The following TMEM178B variants were observed in gnomAD, a reference collection of about 807,000 sequenced individuals.
The protein encoded by TMEM178B is transmembrane protein 178B.
TMEM178B carries 5 observed loss-of-function variants against 31.0 expected under a neutral mutation model. The observed-to-expected ratio is 0.16, with a 90% confidence interval of 0.08 to 0.34. The LOEUF (loss-of-function observed/expected upper bound fraction) is 0.34. Among genes scored for constraint, TMEM178B ranks in the 10% least tolerant of loss-of-function variants. TMEM178B has a pLI of 1.00. For missense variants in TMEM178B, 275 were observed against 400.3 expected, an observed-to-expected ratio of 0.69 and a Z score of 2.67; for synonymous variants, 164 against 164.0, an observed-to-expected ratio of 1.00 and a Z score of 0.00.
intron 2 of TMEM178B, among the ~76,000 whole-genome samples, chr7:141,298,385 G>A (rs1719200309): frequency 6.6e-6 from 1 of 152,094 alleles, no homozygotes; most frequent in Admixed American, 6.5e-5. Context: ...GTCAATTTTG[G>A]CTTTTGTTGC....
intron 2 of TMEM178B, among the ~76,000 whole-genome samples, chr7:141,355,063 C>T (rs1044086279): frequency 2.0e-5 from 3 of 152,142 alleles, no homozygotes; most frequent in African/African-American, 7.2e-5. Flanking sequence ...CCAAAGTAAA[C>T]AGCTTCCTCC....
chr7:141,122,466 T>A (rs919145947), intron 1 of TMEM178B, among the ~76,000 whole-genome samples: 1 of 152,180 alleles, frequency 6.6e-6, no homozygotes, highest in Non-Finnish European at 1.5e-5. Context: ...TCTCAGAGCG[T>A]CTTAAGGACA....
In TMEM178B at chr7:141,461,953, C is replaced by A. The variant is rs1436743919; in HGVS notation, c.635-8583C>A. On this transcript the variant is annotated intron_variant, in intron 3 of 3. Coordinates refer to ENST00000565468, the MANE Select transcript of TMEM178B (RefSeq NM_001195278.2). The surrounding 1 kb of genome is among the most constrained non-coding windows in gnomAD (Gnocchi z 4.0). Reference sequence around the variant, plus strand: ...CAGGGTGGCAAAAATTAGCTGCTCCCCAACAGTGCTATCCCTACCTGGCAC... The same window carrying A: ...CAGGGTGGCAAAAATTAGCTGCTCCACAACAGTGCTATCCCTACCTGGCAC... 6.6e-6 allele frequency among the ~76,000 whole-genome samples: 1 copy of A among 152,194 alleles called. No individual in the cohort carries two copies. The highest frequency in any genetic ancestry group is 2.4e-5 in the African/African-American group (1 of 41,442).
intron 2 of TMEM178B, among the ~76,000 whole-genome samples, chr7:141,364,060 C>T (rs1295485869): frequency 1.3e-5 from 2 of 152,078 alleles, no homozygotes; most frequent in African/African-American, 4.8e-5. Context: ...GCTTTTCTCA[C>T]CCATGAATGT....
chr7:141,144,610 G>A (rs925508192), intron 1 of TMEM178B, among the ~76,000 whole-genome samples: 8 of 152,130 alleles, frequency 5.3e-5, no homozygotes, highest in African/African-American at 1.4e-4. Context: ...ACTGGGGGTC[G>A]GAAGTGTTTC....
At chr7:141,501,560 AT>A in the TMEM178B span, among the ~76,000 whole-genome samples, 3 of 152,306 alleles carry the variant, frequency 2.0e-5, no homozygotes, top group Admixed American at 1.3e-4. Flanking sequence ...CTGTAAAAAT[AT>A]TTTTTTAAAG....
chr7:141,164,306 A>C (rs1796226945), intron 1 of TMEM178B, among the ~76,000 whole-genome samples: 1 of 152,232 alleles, frequency 6.6e-6, no homozygotes, highest in African/African-American at 2.4e-5. Flanking sequence ...TTATCATTAG[A>C]GTGAGATAGG....
At chr7:141,240,545 A>C (rs543231258) in intron 2 of TMEM178B, among the ~76,000 whole-genome samples, 91 of 152,396 alleles carry the variant, frequency 6.0e-4, no homozygotes, top group South Asian at 1.4e-3. Context: ...TCTGTGTTGT[A>C]AATGAGGACA....
chr7:141,383,507 T>C (rs1453087431), intron 2 of TMEM178B, among the ~76,000 whole-genome samples: 1 of 152,146 alleles, frequency 6.6e-6, no homozygotes, highest in Non-Finnish European at 1.5e-5. Context: ...CTGAGAATGA[T>C]GGTTTCCAGC....
intron 1 of TMEM178B, among the ~76,000 whole-genome samples, chr7:141,176,745 T>TAG (rs1158031575): frequency 6.6e-6 from 1 of 152,248 alleles, no homozygotes; most frequent in Non-Finnish European, 1.5e-5. Context: ...TTTATTTGCA[T>TAG]AGAGGTGCTT....
chr7:141,081,313 T>C (rs949332743), intron 1 of TMEM178B, among the ~76,000 whole-genome samples: 1 of 152,044 alleles, frequency 6.6e-6, no homozygotes, highest in Admixed American at 6.6e-5. Flanking sequence ...AAAAATTTTA[T>C]AAACAGAAAA....
chr7:141,380,653 A>G (rs73520609), intron 2 of TMEM178B, among the ~76,000 whole-genome samples: 6,880 of 152,206 alleles, frequency 0.045, 464 homozygotes, highest in African/African-American at 0.15. Flanking sequence ...TGTTATTTAT[A>G]TGTGTGTATG....
At chr7:141,265,063 A>G (rs1011918324) in intron 2 of TMEM178B, among the ~76,000 whole-genome samples, 1 of 152,234 alleles carries the variant, frequency 6.6e-6, no homozygotes, top group African/African-American at 2.4e-5. Flanking sequence ...TTAAAGACTC[A>G]CAGGTGACAA....
intron 2 of TMEM178B, among the ~76,000 whole-genome samples, chr7:141,382,461 C>T (rs1003857811): frequency 6.6e-6 from 1 of 152,164 alleles, no homozygotes; most frequent in African/African-American, 2.4e-5. Flanking sequence ...TAAGATCCCT[C>T]ATAAATTACA....
intron 1 of TMEM178B, among the ~76,000 whole-genome samples, chr7:141,154,227 T>G (rs960818912): frequency 6.6e-6 from 1 of 152,248 alleles, no homozygotes; most frequent in African/African-American, 2.4e-5. Context: ...GGCCAGAATT[T>G]GAAGGCTTGG....
chr7:141,115,544 G>A (rs766327623), intron 1 of TMEM178B, among the ~76,000 whole-genome samples: 1 of 152,190 alleles, frequency 6.6e-6, no homozygotes, highest in Non-Finnish European at 1.5e-5. Flanking sequence ...ATGAAAAGTA[G>A]GAATTGATTT....
intron 2 of TMEM178B, among the ~76,000 whole-genome samples, chr7:141,301,462 AT>A (rs200314106): frequency 2.5e-4 from 37 of 150,610 alleles, no homozygotes; most frequent in Admixed American, 1.5e-3. Context: ...ATATTTGTAA[AT>A]TTTTTTTTTC....
At chr7:141,322,633 T>C (rs1451624375) in intron 2 of TMEM178B, among the ~76,000 whole-genome samples, 1 of 152,138 alleles carries the variant, frequency 6.6e-6, no homozygotes. Flanking sequence ...TCTAGCAAGT[T>C]CAGATGGACA....
At chr7:141,423,317 C>A (rs1801248571) in intron 2 of TMEM178B, among the ~76,000 whole-genome samples, 1 of 152,236 alleles carries the variant, frequency 6.6e-6, no homozygotes, top group Admixed American at 6.5e-5. Context: ...GCGTGAGCCA[C>A]CATGCCCAGC....
Sources: allele counts gnomAD v4.1 joint callset (sites outside exome capture counted in the v4.1 genomes callset), GRCh38; gene constraint gnomAD v4.1.1; non-coding constraint Gnocchi (gnomAD v3.1); transcripts MANE v1.5; gene names NCBI Gene and HGNC (gene_info 2026-07-23, HGNC 2026-07-21).